The following PMS1 variants were observed in gnomAD, a reference collection of about 807,000 sequenced individuals.
The protein encoded by PMS1 is PMS1 protein homolog 1.
Under a neutral mutation model 93.1 loss-of-function variants are expected in PMS1, and 79 were observed. That is an observed-to-expected ratio of 0.85 (90% CI 0.71 to 1.02). The LOEUF is 1.02. PMS1 is among the 50% of genes least tolerant of loss of function. The probability of loss-of-function intolerance (pLI) is 0.00; values close to 1 mark genes in which losing one functional copy is unlikely to be tolerated. For missense variants in PMS1, 1,064 were observed against 1,085.3 expected, an observed-to-expected ratio of 0.98 and a Z score of 0.28; for synonymous variants, 335 against 363.4, an observed-to-expected ratio of 0.92 and a Z score of 0.89.
intron 6 of PMS1, among the ~76,000 whole-genome samples, chr2:189,845,313 A>G (rs1231852511): frequency 6.6e-6 from 1 of 152,008 alleles, no homozygotes; most frequent in African/African-American, 2.4e-5. Context: ...CCATTGTTGT[A>G]TCTCTTATGC....
At chr2:189,858,774 A>T (rs1182844548) in intron 9 of PMS1, among the ~76,000 whole-genome samples, 1 of 152,148 alleles carries the variant, frequency 6.6e-6, no homozygotes, top group African/African-American at 2.4e-5. Flanking sequence ...AAATAACTTT[A>T]AAATTGTGAA....
intron 9 of PMS1, among the ~76,000 whole-genome samples, chr2:189,857,682 G>A (rs1020706739): frequency 1.3e-5 from 2 of 151,544 alleles, no homozygotes; most frequent in African/African-American, 4.8e-5. Context: ...AAGGCCTGAG[G>A]TACTCTAGCT....
chr2:189,807,610 C>A (rs2050463936), intron 4 of PMS1, among the ~76,000 whole-genome samples: 1 of 152,210 alleles, frequency 6.6e-6, no homozygotes, highest in South Asian at 2.1e-4. Flanking sequence ...TCATACTTCT[C>A]ATGCTTTTCT....
intron 4 of PMS1, among the ~76,000 whole-genome samples, chr2:189,813,185 T>A (rs1361796109): frequency 6.6e-6 from 1 of 152,130 alleles, no homozygotes; most frequent in Non-Finnish European, 1.5e-5. Context: ...CAGTAAGAAG[T>A]AGAGGGAAGA....
At chr2:189,848,282 A>C (rs1044838802) in intron 6 of PMS1, among the ~76,000 whole-genome samples, 19 of 152,170 alleles carry the variant, frequency 1.2e-4, no homozygotes, top group African/African-American at 4.6e-4. Flanking sequence ...GAAGACTAGC[A>C]GTGTTGGCAT....
intron 6 of PMS1, among the ~76,000 whole-genome samples, chr2:189,848,188 A>G (rs2054409661): frequency 6.6e-6 from 1 of 152,188 alleles, no homozygotes; most frequent in Admixed American, 6.5e-5. Context: ...CTACAGTGGT[A>G]ACCCAGGCAG....
At chr2:189,820,379 A>G (rs1575136699) in intron 5 of PMS1, among the ~76,000 whole-genome samples, 1 of 151,704 alleles carries the variant, frequency 6.6e-6, no homozygotes, top group Non-Finnish European at 1.5e-5. Flanking sequence ...ATCACAGCTC[A>G]CTGCAGCCTT....
In PMS1 at chr2:189,798,746, A is replaced by G. The variant is rs967661423; in HGVS notation, c.315+2795A>G. Among the ~76,000 whole-genome samples, 231 of 145,946 alleles carry G rather than the reference A, an allele frequency of 1.6e-3. 2 individuals carry two copies. The highest frequency in any genetic ancestry group is 5.0e-3 in the Admixed American group (72 of 14,460). On this transcript the variant is annotated intron_variant, in intron 3 of 12. Transcript: ENST00000441310. The stretch of plus-strand genomic sequence containing the variant: ...CATTTTTTTTTTTCTGTTTTAGAGC[A>G]TAAGTATTTGATTTTTTTTTTTTTT...
chr2:189,833,471 A>G (rs535912838), intron 5 of PMS1, among the ~76,000 whole-genome samples: 1 of 152,130 alleles, frequency 6.6e-6, no homozygotes, highest in East Asian at 1.9e-4. Context: ...AGTCCCAGCT[A>G]CTCAGGAGGC....
intron 5 of PMS1, among the ~76,000 whole-genome samples, chr2:189,830,453 T>C (rs2052825061): frequency 6.6e-6 from 1 of 152,198 alleles, no homozygotes; most frequent in Non-Finnish European, 1.5e-5. Flanking sequence ...TGAGGCTTTC[T>C]TTAGCCTTCC....
chr2:189,789,957 A>G (rs547716303), intron 1 of PMS1, among the ~76,000 whole-genome samples: 1 of 152,342 alleles, frequency 6.6e-6, no homozygotes, highest in South Asian at 2.1e-4. Flanking sequence ...GAATTTCCAT[A>G]GGACGTTTTT....
At chr2:189,855,750 A>C in intron 9 of PMS1, 1 of 253,914 alleles carries the variant, frequency 3.9e-6, no homozygotes, top group Non-Finnish European at 8.0e-6. Flanking sequence ...TTTGATTAAA[A>C]TAGTATTTGC....
chr2:189,808,710 A>G (rs1296192002), intron 4 of PMS1, among the ~76,000 whole-genome samples: 2 of 152,210 alleles, frequency 1.3e-5, no homozygotes, highest in Non-Finnish European at 2.9e-5. Context: ...TATTTGTTTT[A>G]TGGATTAATT....
At chr2:189,844,216 T>C in intron 6 of PMS1, 136 bp downstream of exon 6, 3 of 1,411,630 alleles carry the variant, frequency 2.1e-6, no homozygotes, top group Non-Finnish European at 2.9e-6. Flanking sequence ...GGTAAAACAG[T>C]CAATACAGAG....
chr2:189,812,962 A>G (rs1412359802), intron 4 of PMS1, among the ~76,000 whole-genome samples: 1 of 152,230 alleles, frequency 6.6e-6, no homozygotes, highest in Non-Finnish European at 1.5e-5. Context: ...AATTTATTTT[A>G]GGCAGACGAT....
chr2:189,819,094 C>CTT (rs1392453741), intron 5 of PMS1, among the ~76,000 whole-genome samples: 2 of 152,236 alleles, frequency 1.3e-5, no homozygotes, highest in African/African-American at 2.4e-5. Context: ...ATTCCACACT[C>CTT]TATGTCCATA....
At chr2:189,852,442 C>G (rs563668860) in intron 6 of PMS1, among the ~76,000 whole-genome samples, 18 of 152,198 alleles carry the variant, frequency 1.2e-4, no homozygotes, top group African/African-American at 4.3e-4. Context: ...CTTAGAGTTG[C>G]CAACAAAAAG....
intron 1 of PMS1, among the ~76,000 whole-genome samples, chr2:189,789,828 A>G (rs1247251229): frequency 6.6e-6 from 1 of 152,118 alleles, no homozygotes; most frequent in Non-Finnish European, 1.5e-5. Context: ...GTCCAATAAA[A>G]TCTTGATTCT....
intron 1 of PMS1, among the ~76,000 whole-genome samples, chr2:189,791,399 C>T (rs1262073149): frequency 6.6e-6 from 1 of 152,068 alleles, no homozygotes; most frequent in Non-Finnish European, 1.5e-5. Context: ...GCAGGCGGAT[C>T]AGTTGGGGTC....
Sources: gnomAD v4.1 joint callset for allele counts (sites outside exome capture counted in the v4.1 genomes callset) on GRCh38, gnomAD v4.1.1 for gene constraint, MANE v1.5 for transcripts, NCBI Gene and HGNC (gene_info 2026-07-23, HGNC 2026-07-21) for gene names.